Variants in PDXDC1 observed in about 807,000 individuals in gnomAD.
PDXDC1 encodes the protein pyridoxal-dependent decarboxylase domain-containing protein 1.
PDXDC1 carries 42 observed loss-of-function variants against 100.1 expected under a neutral mutation model. That is an observed-to-expected ratio of 0.42 (90% confidence interval 0.33 to 0.54). The LOEUF is 0.54. PDXDC1 is among the 20% of genes least tolerant of loss of function. The pLI is 0.10. For synonymous variants in PDXDC1, 260 were observed against 371.7 expected, an observed-to-expected ratio of 0.70 and a Z score of 3.46; for missense variants, 636 against 979.2, an observed-to-expected ratio of 0.65 and a Z score of 4.68.
chr16:15,148,816 C>T, the PDXDC1 span, among the ~76,000 whole-genome samples: 1 of 152,266 alleles, frequency 6.6e-6, no homozygotes, highest in Admixed American at 6.5e-5. Context: ...CGCTCGGGTG[C>T]CCCACATTCC....
chr16:15,095,325 C>T (rs528102975), intron 16 of PDXDC1, among the ~76,000 whole-genome samples: 9 of 152,034 alleles, frequency 5.9e-5, no homozygotes, highest in East Asian at 5.8e-4. Context: ...ACTGTACAGG[C>T]CTATCAAAAA....
chr16:15,069,456 T>G (rs2045127906), intron 16 of PDXDC1, among the ~76,000 whole-genome samples: 2 of 152,226 alleles, frequency 1.3e-5, no homozygotes, highest in Non-Finnish European at 2.9e-5. Context: ...TCTCTTCAAC[T>G]AAAATACACT....
At chr16:15,131,755 G>C in intron 16 of PDXDC1, 1 of 963,744 alleles carries the variant, frequency 1.0e-6, no homozygotes. Flanking sequence ...GCAGAGGGAG[G>C]GTGGGGGCAG....
At chr16:15,041,751 C>A, downstream of PDXDC1, 1 of 1,079,124 alleles carries the variant, frequency 9.3e-7, no homozygotes, top group Non-Finnish European at 1.4e-6. Context: ...AGCAAGCCAA[C>A]GACAGGGAGG....
chr16:15,097,662 T>C (rs1377617175), intron 16 of PDXDC1, among the ~76,000 whole-genome samples: 2 of 149,584 alleles, frequency 1.3e-5, no homozygotes, highest in African/African-American at 4.9e-5. Flanking sequence ...AAAAAGAACA[T>C]AATGAACACC....
At chr16:14,984,476 C>CATATATAT (rs749990542) in intron 1 of PDXDC1, among the ~76,000 whole-genome samples, 16 of 92,688 alleles carry the variant, frequency 1.7e-4, no homozygotes, top group South Asian at 1.3e-3. Flanking sequence ...TGTGTGTATA[C>CATATATAT]ATATATATAT....
intron 16 of PDXDC1, among the ~76,000 whole-genome samples, chr16:15,065,991 C>A (rs562993563): frequency 1.3e-4 from 20 of 152,292 alleles, no homozygotes; most frequent in African/African-American, 4.6e-4. Flanking sequence ...TTAATTTTTC[C>A]AGTAGTTGTC....
rs1173660543 is a variant in PDXDC1 at position 15,037,296 on chromosome 16, G to GT, written c.*1022dup. The GT allele has an allele frequency of 6.6e-6, 1 of 152,196 alleles. No individual in the cohort carries two copies. The highest frequency in any genetic ancestry group is 1.5e-5 in the Non-Finnish European group (1 of 68,050). 9.4% of individuals were successfully genotyped at this position (152,196 alleles called of 1,614,324 possible). A position where few individuals can be genotyped will look rare whatever the true frequency, so the allele number is the denominator to read the frequency against. On this transcript the variant is annotated 3_prime_UTR_variant, in exon 23 of 23. Coordinates refer to ENST00000396410, the MANE Select transcript of PDXDC1 (RefSeq NM_015027.4). Reference sequence around the variant, plus strand: ...TTCCGAAGTACTGCGTCACTTTGTCGTAAGTAATGGCCCCTGTGCCTTCTT... The same window carrying GT: ...TTCCGAAGTACTGCGTCACTTTGTCGTTAAGTAATGGCCCCTGTGCCTTCTT...
At chr16:15,077,779 T>G (rs1026422265) in intron 16 of PDXDC1, among the ~76,000 whole-genome samples, 5 of 152,156 alleles carry the variant, frequency 3.3e-5, no homozygotes, top group African/African-American at 1.2e-4. Context: ...AGGTGGAGGT[T>G]GCAGTGAGCC....
chr16:15,003,051 C>CT (rs1275875700), intron 4 of PDXDC1, among the ~76,000 whole-genome samples: 1 of 152,216 alleles, frequency 6.6e-6, no homozygotes, highest in African/African-American at 2.4e-5. Flanking sequence ...CTTTTTCCTT[C>CT]TTTTTTACAG....
At chr16:15,003,881 G>A (rs1372592088) in intron 4 of PDXDC1, among the ~76,000 whole-genome samples, 2 of 152,258 alleles carry the variant, frequency 1.3e-5, no homozygotes, top group Non-Finnish European at 2.9e-5. Flanking sequence ...CTACTCGGGA[G>A]GCTGAGACAG....
chr16:15,000,095 G>A (rs1972822250), intron 3 of PDXDC1, among the ~76,000 whole-genome samples: 1 of 152,282 alleles, frequency 6.6e-6, no homozygotes, highest in South Asian at 2.1e-4. Context: ...AGAACAGGAG[G>A]CAGGCCCTAT....
chr16:15,102,522 T>A (rs905762611), intron 16 of PDXDC1, among the ~76,000 whole-genome samples: 11 of 150,004 alleles, frequency 7.3e-5, no homozygotes, highest in Non-Finnish European at 1.5e-4. Flanking sequence ...GAGTCATGTG[T>A]CACAGGAGCT....
chr16:15,137,556 AC>A, intron 16 of PDXDC1: 1 of 1,205,516 alleles, frequency 8.3e-7, no homozygotes, highest in African/African-American at 1.5e-5. Context: ...AGAGGCAGCC[AC>A]TGGACCCCGG....
At chr16:15,077,185 G>C (rs1419209563) in intron 16 of PDXDC1, among the ~76,000 whole-genome samples, 2 of 151,782 alleles carry the variant, frequency 1.3e-5, no homozygotes, top group African/African-American at 4.8e-5. Context: ...CTCCATGTTA[G>C]TCAGGCTGGT....
chr16:15,049,434 A>ATTTT (rs35440863), intron 16 of PDXDC1, among the ~76,000 whole-genome samples: 2 of 146,334 alleles, frequency 1.4e-5, no homozygotes, highest in Admixed American at 6.7e-5. Flanking sequence ...CTTTTATCTT[A>ATTTT]TTTTTTTTTT....
chr16:15,041,475 G>T, downstream of PDXDC1: 1 of 731,614 alleles, frequency 1.4e-6, no homozygotes, highest in East Asian at 2.5e-5. Flanking sequence ...AGGGGAAGGG[G>T]AAGGCCATCC....
chr16:15,009,875 C>A, intron 8 of PDXDC1, 116 bp downstream of exon 8: 3 of 1,538,780 alleles, frequency 1.9e-6, no homozygotes, highest in African/African-American at 1.4e-5. Flanking sequence ...TTAAGATAGT[C>A]CATATCCACA....
chr16:15,063,388 G>C, intron 16 of PDXDC1: 1 of 836,658 alleles, frequency 1.2e-6, no homozygotes, highest in Non-Finnish European at 2.1e-6. Context: ...ACCAAGAAGT[G>C]AAAACTACAG....
Sources: allele counts gnomAD v4.1 joint callset (sites outside exome capture counted in the v4.1 genomes callset), GRCh38; gene constraint gnomAD v4.1.1; transcripts MANE v1.5; gene names NCBI Gene and HGNC (gene_info 2026-07-23, HGNC 2026-07-21).